The following BBX variants were observed in gnomAD, a reference collection of about 807,000 sequenced individuals.
The protein encoded by BBX is HMG box transcription factor BBX.
In BBX, 30 loss-of-function variants were observed where a neutral mutation model predicts 100.2. The ratio of observed to expected loss-of-function variants is 0.30; its 90% CI spans 0.22 to 0.41. The LOEUF (loss-of-function observed/expected upper bound fraction) is 0.41. Among genes scored for constraint, BBX ranks in the 10% least tolerant of loss-of-function variants. The probability of loss-of-function intolerance (pLI) is 1.00; values close to 1 mark genes in which losing one functional copy is unlikely to be tolerated. For synonymous variants in BBX, 376 were observed against 388.1 expected (o/e 0.97, Z 0.37); for missense variants, 1,023 against 1,129.8 (o/e 0.91, Z 1.35).
intron 2 of BBX, among the ~76,000 whole-genome samples, chr3:107,534,621 G>A (rs561177184): frequency 1.3e-5 from 2 of 152,186 alleles, no homozygotes; most frequent in African/African-American, 4.8e-5. Flanking sequence ...CTTTGTTTGA[G>A]TTTAAAGATC....
intron 2 of BBX, among the ~76,000 whole-genome samples, chr3:107,603,854 T>C (rs1280607152): frequency 2.7e-5 from 4 of 148,640 alleles, no homozygotes; most frequent in African/African-American, 7.4e-5. Flanking sequence ...TAGTGTGTAC[T>C]TTTTTTTTTA....
chr3:107,634,867 G>C (rs763261274), intron 2 of BBX, among the ~76,000 whole-genome samples: 2 of 152,132 alleles, frequency 1.3e-5, no homozygotes, highest in African/African-American at 2.4e-5. Flanking sequence ...AAATACTTTT[G>C]TTGTTGCTTT....
At chr3:107,563,529 GAAAAT>G (rs1243924780) in intron 2 of BBX, among the ~76,000 whole-genome samples, 5 of 152,048 alleles carry the variant, frequency 3.3e-5, no homozygotes, top group Non-Finnish European at 7.4e-5. Context: ...CTTCTATAGA[GAAAAT>G]AAAATTGTAT....
chr3:107,615,256 A>G (rs1240935394), intron 2 of BBX, among the ~76,000 whole-genome samples: 2 of 152,182 alleles, frequency 1.3e-5, no homozygotes, highest in African/African-American at 2.4e-5. Flanking sequence ...TGAGAATAAG[A>G]ATGAGTAAAC....
intron 5 of BBX, among the ~76,000 whole-genome samples, chr3:107,717,595 T>C (rs900650339): frequency 6.6e-6 from 1 of 152,146 alleles, no homozygotes; most frequent in Non-Finnish European, 1.5e-5. Context: ...TACATGCCTG[T>C]AAATACTGTG....
At chr3:107,592,360 C>CAAAAAAAAA (rs398052177) in intron 2 of BBX, among the ~76,000 whole-genome samples, 48 of 74,900 alleles carry the variant, frequency 6.4e-4, no homozygotes, top group African/African-American at 2.5e-3. Flanking sequence ...GACCCTGTCT[C>CAAAAAAAAA]AAAAAAAAAA....
chr3:107,624,282 G>A (rs1174005113), intron 2 of BBX, among the ~76,000 whole-genome samples: 2 of 152,044 alleles, frequency 1.3e-5, no homozygotes, highest in African/African-American at 4.8e-5. Flanking sequence ...CATAAAACAA[G>A]GCATTTAGAT....
At chr3:107,732,907 G>T (rs1328656122) in intron 6 of BBX, 49 bp from the exon 7 acceptor site, 1 of 1,441,026 alleles carries the variant, frequency 6.9e-7, no homozygotes, top group Non-Finnish European at 9.7e-7. Flanking sequence ...TCTGTGGATT[G>T]TATGTACTTT....
chr3:107,691,847 G>A (rs1467273068), intron 3 of BBX, among the ~76,000 whole-genome samples: 3 of 152,200 alleles, frequency 2.0e-5, no homozygotes, highest in East Asian at 1.9e-4. Context: ...GTAGGTGGGC[G>A]TTGCAGCAGC....
intron 3 of BBX, among the ~76,000 whole-genome samples, chr3:107,667,503 T>C (rs1205720255): frequency 6.6e-6 from 1 of 151,822 alleles, no homozygotes; most frequent in Non-Finnish European, 1.5e-5. Flanking sequence ...ATAAAATAAG[T>C]TGGACCATCC....
intron 3 of BBX, among the ~76,000 whole-genome samples, chr3:107,697,171 A>G (rs1335672302): frequency 6.6e-6 from 1 of 151,666 alleles, no homozygotes; most frequent in East Asian, 1.9e-4. Context: ...GAGTAATTTG[A>G]TCGTCTGAAG....
Position 107,789,801 on chromosome 3 carries a change from C to T in BBX, c.2218C>T (p.Gln740Ter). The T allele has an allele frequency of 1.3e-6, 2 of 1,542,320 alleles. No individual in the cohort carries two copies. Among genetic ancestry groups the T allele is most frequent in the Non-Finnish European group, 1.8e-6 (2 of 1,139,264 alleles). ...ATTGTCTGTAGGTCCTTTCCAGTCTCAGAAAAAGAACTTATTCCACAAAAT... is the reference window on the plus strand; with the variant it reads ...ATTGTCTGTAGGTCCTTTCCAGTCTTAGAAAAAGAACTTATTCCACAAAAT... ...TKTSKGPFQS[Q>*]KKNLFHKIVS... The change falls in exon 14 of 18, where the codon CAG (glutamine) becomes TAG (stop). Residue 740 changes from glutamine (Q) to a stop codon, truncating the protein, a stop_gained. Transcript: ENST00000325805. LOFTEE classifies it high-confidence loss of function.
At chr3:107,731,128 AAT>A (rs1445843364) in intron 6 of BBX, among the ~76,000 whole-genome samples, 1 of 152,210 alleles carries the variant, frequency 6.6e-6, no homozygotes, top group Non-Finnish European at 1.5e-5. Flanking sequence ...TATGTATGTC[AAT>A]ATGTTTTTGA....
At chr3:107,678,692 C>T (rs1309578035) in intron 3 of BBX, among the ~76,000 whole-genome samples, 1 of 152,050 alleles carries the variant, frequency 6.6e-6, no homozygotes, top group East Asian at 1.9e-4. Flanking sequence ...CACTACTGCA[C>T]TTCAGCCTCG....
chr3:107,581,037 T>C (rs1165563058), intron 2 of BBX, among the ~76,000 whole-genome samples: 1 of 152,212 alleles, frequency 6.6e-6, no homozygotes, highest in Non-Finnish European at 1.5e-5. Context: ...CTACCTAATA[T>C]CTGGTCTGAG....
At chr3:107,756,866 C>G (rs539625849) in intron 10 of BBX, among the ~76,000 whole-genome samples, 1 of 152,022 alleles carries the variant, frequency 6.6e-6, no homozygotes, top group Non-Finnish European at 1.5e-5. Flanking sequence ...AAGTACTACT[C>G]CAAACAGAGC....
Position 107,793,999 on chromosome 3 carries a change from A to T in BBX, c.2353+2700A>T, listed in dbSNP as rs566119200. Among the ~76,000 whole-genome samples the T allele has an allele frequency of 2.0e-5, 3 of 152,290 alleles. No individual in the cohort carries two copies. In the East Asian group the frequency reaches 5.8e-4, roughly 29 times the overall value. ...AATTTCGGTATATATGTATTAAAAA[A>T]AATTGTCCACAGGCTAGAATTAAAG... On this transcript the variant is annotated intron_variant, in intron 15 of 17. Transcript: ENST00000325805.
intron 10 of BBX, among the ~76,000 whole-genome samples, chr3:107,772,403 C>T (rs909821012): frequency 1.3e-5 from 2 of 152,190 alleles, no homozygotes; most frequent in African/African-American, 4.8e-5. Context: ...TAGAAAATGA[C>T]AATTCAGAGA....
chr3:107,604,648 T>A (rs562811548), intron 2 of BBX, among the ~76,000 whole-genome samples: 1 of 152,348 alleles, frequency 6.6e-6, no homozygotes, highest in South Asian at 2.1e-4. Context: ...TTGACTCATG[T>A]GGAGCTCAAA....
Sources: allele counts gnomAD v4.1 joint callset (sites outside exome capture counted in the v4.1 genomes callset), GRCh38; gene constraint gnomAD v4.1.1; transcripts MANE v1.5; gene names NCBI Gene and HGNC (gene_info 2026-07-23, HGNC 2026-07-21).